CDH12: variants seen among roughly 807,000 people sequenced by gnomAD.
CDH12 encodes cadherin 12.
Under a neutral mutation model 74.1 loss-of-function variants are expected in CDH12, and 41 were observed. The observed-to-expected ratio is 0.55, with a 90% confidence interval of 0.43 to 0.72. The LOEUF is 0.72. Among genes scored for constraint, CDH12 ranks in the 30% least tolerant of loss-of-function variants. The pLI, the probability that CDH12 is intolerant of heterozygous loss-of-function variation, is 0.00. For missense variants in CDH12, 945 were observed against 977.2 expected (o/e 0.97, Z 0.44); for synonymous variants, 399 against 355.0 (o/e 1.12, Z -1.39).
intron 1 of CDH12, among the ~76,000 whole-genome samples, chr5:22,695,939 G>A (rs1479072331): frequency 1.3e-5 from 2 of 151,864 alleles, no homozygotes; most frequent in Non-Finnish European, 2.9e-5. Context: ...ATCATTTTAT[G>A]AACACTCATT....
chr5:22,643,560 TACTC>T (rs1442753678), intron 1 of CDH12, among the ~76,000 whole-genome samples: 1 of 152,100 alleles, frequency 6.6e-6, no homozygotes, highest in Non-Finnish European at 1.5e-5. Flanking sequence ...GCCTACAACT[TACTC>T]AGCATATTCT....
chr5:22,440,608 G>T (rs1334003167), intron 2 of CDH12, among the ~76,000 whole-genome samples: 1 of 152,076 alleles, frequency 6.6e-6, no homozygotes, highest in Non-Finnish European at 1.5e-5. Context: ...TGTTCTGGTT[G>T]CTCTAGGGTA....
chr5:22,253,777 C>A (rs1005157963), intron 3 of CDH12, among the ~76,000 whole-genome samples: 3 of 151,846 alleles, frequency 2.0e-5, no homozygotes, highest in African/African-American at 7.2e-5. Context: ...TACTCCTCCT[C>A]TTTTTCTTCC....
At chr5:22,634,437 G>A (rs900381043) in intron 1 of CDH12, among the ~76,000 whole-genome samples, 1 of 152,108 alleles carries the variant, frequency 6.6e-6, no homozygotes, top group Non-Finnish European at 1.5e-5. Context: ...AAGAGTAATA[G>A]TGGTTATACT....
intron 1 of CDH12, among the ~76,000 whole-genome samples, chr5:22,551,787 A>T (rs74843724): frequency 6.6e-6 from 1 of 152,064 alleles, no homozygotes; most frequent in African/African-American, 2.4e-5. Flanking sequence ...TGCAAAAGAG[A>T]TCAATAGATA....
chr5:22,078,419 C>T (rs900092675), intron 5 of CDH12, 27 bp downstream of exon 5: 26 of 1,598,244 alleles, frequency 1.6e-5, no homozygotes, highest in African/African-American at 5.4e-5. Context: ...TCCTATCAAG[C>T]GGTTGTCAAA....
At chr5:21,917,935 TC>T (rs1232418605) in intron 6 of CDH12, among the ~76,000 whole-genome samples, 1 of 152,206 alleles carries the variant, frequency 6.6e-6, no homozygotes, top group East Asian at 1.9e-4. Flanking sequence ...CTCTTTTATA[TC>T]AGTTGTAACA....
In CDH12 at chr5:22,139,359, T is replaced by C. The variant is rs528418643; in HGVS notation, c.-186-60497A>G. On this transcript the variant is annotated intron_variant, in intron 4 of 14. Coordinates refer to ENST00000382254, the MANE Select transcript of CDH12 (RefSeq NM_004061.5). ...AATTGCAGGAGGTTTGCAGGAAGCATGTGCGCTGGCAGAGCTGTGTGGTCA... is the reference window on the plus strand; with the variant it reads ...AATTGCAGGAGGTTTGCAGGAAGCACGTGCGCTGGCAGAGCTGTGTGGTCA... The C allele has an allele frequency of 3.9e-4, 51 of 131,196 alleles. 1 individual carries two copies. The Middle Eastern group carries it at 0.011, about 28-fold the overall frequency. 8.1% of individuals were successfully genotyped at this position (131,196 alleles called of 1,614,324 possible).
At chr5:21,933,587 T>TG (rs1318546074) in intron 6 of CDH12, among the ~76,000 whole-genome samples, 3 of 152,156 alleles carry the variant, frequency 2.0e-5, no homozygotes, top group African/African-American at 4.8e-5. Context: ...ATAATACTCC[T>TG]GGGGGGATCC....
chr5:22,670,265 T>G (rs1260663823), intron 1 of CDH12, among the ~76,000 whole-genome samples: 1 of 152,062 alleles, frequency 6.6e-6, no homozygotes, highest in African/African-American at 2.4e-5. Flanking sequence ...GCATTCCCAC[T>G]ACCTCAGCCT....
At chr5:22,355,618 G>A in intron 3 of CDH12, among the ~76,000 whole-genome samples, 1 of 151,600 alleles carries the variant, frequency 6.6e-6, no homozygotes, top group Non-Finnish European at 1.5e-5. Flanking sequence ...CTATGTAAAA[G>A]CACAGTGGGA....
intron 2 of CDH12, among the ~76,000 whole-genome samples, chr5:22,416,645 A>T (rs2126485809): frequency 6.6e-6 from 1 of 151,988 alleles, no homozygotes; most frequent in South Asian, 2.1e-4. Flanking sequence ...CAGCTAGAAA[A>T]AGAAAGGAAT....
chr5:22,424,068 T>A, intron 2 of CDH12, among the ~76,000 whole-genome samples: 1 of 145,938 alleles, frequency 6.9e-6, no homozygotes, highest in Non-Finnish European at 1.5e-5. Context: ...AGAGGGTGAC[T>A]GCATTATGCT....
chr5:22,643,536 T>A (rs1739261105), intron 1 of CDH12, among the ~76,000 whole-genome samples: 1 of 152,134 alleles, frequency 6.6e-6, no homozygotes, highest in Non-Finnish European at 1.5e-5. Flanking sequence ...GCAAGAAATT[T>A]TTGGCAATAT....
intron 5 of CDH12, among the ~76,000 whole-genome samples, chr5:22,039,632 T>G (rs1418471497): frequency 6.6e-6 from 1 of 152,098 alleles, no homozygotes; most frequent in African/African-American, 2.4e-5. Flanking sequence ...TAATTGCCAC[T>G]GAGGACCCTA....
At chr5:22,352,126 G>GT (rs77885542) in intron 3 of CDH12, among the ~76,000 whole-genome samples, 2,712 of 136,826 alleles carry the variant, frequency 0.02, 83 homozygotes, top group Admixed American at 0.09. Flanking sequence ...GCTTAGACTT[G>GT]TTTTTTTTTT....
At chr5:22,133,247 T>G (rs1746273084) in intron 4 of CDH12, among the ~76,000 whole-genome samples, 1 of 152,120 alleles carries the variant, frequency 6.6e-6, no homozygotes, top group Non-Finnish European at 1.5e-5. Context: ...GGTATCTGGG[T>G]CTTCAAAAGA....
intron 1 of CDH12, among the ~76,000 whole-genome samples, chr5:22,795,240 C>A (rs1748132953): frequency 6.6e-6 from 1 of 152,102 alleles, no homozygotes. Context: ...AAGAAATAGT[C>A]ATTGTCAAGA....
intron 6 of CDH12, among the ~76,000 whole-genome samples, chr5:21,864,302 A>G (rs1751210878): frequency 6.6e-6 from 1 of 152,190 alleles, no homozygotes; most frequent in Admixed American, 6.6e-5. Flanking sequence ...GTGTTTTCAG[A>G]GAAGATTGCA....
Sources: gnomAD v4.1 joint callset for allele counts (sites outside exome capture counted in the v4.1 genomes callset) on GRCh38, gnomAD v4.1.1 for gene constraint, MANE v1.5 for transcripts, NCBI Gene and HGNC (gene_info 2026-07-23, HGNC 2026-07-21) for gene names.